The following EYS variants were observed in gnomAD, a reference collection of about 807,000 sequenced individuals.
EYS encodes the protein protein eyes shut homolog.
In EYS, 250 loss-of-function variants were observed where a neutral mutation model predicts 282.1. The ratio of observed to expected loss-of-function variants is 0.89; its 90% confidence interval spans 0.80 to 0.98. The LOEUF is 0.98. Among genes scored for constraint, EYS ranks in the 50% least tolerant of loss-of-function variants. The pLI, the probability that EYS is intolerant of heterozygous loss-of-function variation, is 0.00. For synonymous variants in EYS, 1,355 were observed against 1,282.9 expected, an observed-to-expected ratio of 1.06 and a Z score of -1.20; for missense variants, 4,016 against 3,709.0, an observed-to-expected ratio of 1.08 and a Z score of -2.15.
At chr6:65,440,967 A>C (rs1768299141) in intron 5 of EYS, among the ~76,000 whole-genome samples, 1 of 146,188 alleles carries the variant, frequency 6.8e-6, no homozygotes, top group South Asian at 2.1e-4. Context: ...ATATATATTT[A>C]AACAGTGTAT....
intron 31 of EYS, among the ~76,000 whole-genome samples, chr6:64,122,541 A>C (rs993572040): frequency 2.0e-5 from 3 of 152,136 alleles, no homozygotes; most frequent in Admixed American, 1.3e-4. Flanking sequence ...AGACTGCCTG[A>C]GTTTTTATCC....
Position 63,749,801 on chromosome 6 carries a change from C to G in EYS, c.8071+12660G>C, listed in dbSNP as rs183704754. Among the ~76,000 whole-genome samples the G allele has an allele frequency of 3.1e-4, 47 of 152,310 alleles. No individual in the cohort carries two copies. In the East Asian group the frequency reaches 8.7e-3, roughly 28 times the overall value. ...AAGTACTGGTGCATAGTAGCCCCCT[C>G]CAGGGGTCCCAACTTCCTCCCTCTT... On this transcript the variant is annotated intron_variant, in intron 41 of 42. Coordinates refer to ENST00000503581, the MANE Select transcript of EYS (RefSeq NM_001142800.2).
At chr6:63,935,419 T>C (rs372675422) in intron 35 of EYS, among the ~76,000 whole-genome samples, 27 of 152,370 alleles carry the variant, frequency 1.8e-4, no homozygotes, top group African/African-American at 6.5e-4. Context: ...TAACACCCAG[T>C]ATCTCACAGT....
chr6:64,443,111 G>A (rs1395411600), intron 26 of EYS, among the ~76,000 whole-genome samples: 1 of 152,206 alleles, frequency 6.6e-6, no homozygotes, highest in African/African-American at 2.4e-5. Flanking sequence ...AGTTGTGGAG[G>A]TGCCCAAGAC....
intron 35 of EYS, among the ~76,000 whole-genome samples, chr6:63,982,757 A>G (rs1021087175): frequency 1.3e-5 from 2 of 151,758 alleles, no homozygotes; most frequent in Non-Finnish European, 2.9e-5. Context: ...GAACAATAAC[A>G]GGAGGGGGAT....
intron 2 of EYS, among the ~76,000 whole-genome samples, chr6:65,578,205 G>GAA (rs1223113766): frequency 3.8e-4 from 32 of 85,196 alleles, no homozygotes; most frequent in African/African-American, 1.2e-3. Context: ...AACAGATAAT[G>GAA]AAAATATATA....
At chr6:64,976,643 TG>T (rs1388311758) in intron 14 of EYS, among the ~76,000 whole-genome samples, 4 of 151,904 alleles carry the variant, frequency 2.6e-5, no homozygotes, top group African/African-American at 9.7e-5. Flanking sequence ...ACCATTGCTT[TG>T]GGGGTAGGAT....
chr6:64,441,517 T>C (rs1774945669), intron 26 of EYS, among the ~76,000 whole-genome samples: 1 of 152,164 alleles, frequency 6.6e-6, no homozygotes, highest in South Asian at 2.1e-4. Context: ...GGAATGGCTA[T>C]CAAGAGGTGG....
At chr6:65,666,799 GTTCT>G (rs888332194) in intron 1 of EYS, among the ~76,000 whole-genome samples, 4 of 150,972 alleles carry the variant, frequency 2.6e-5, no homozygotes, top group African/African-American at 7.3e-5. Context: ...AATAAAAAAG[GTTCT>G]TTATCTGTTA....
chr6:64,118,823 C>A (rs1773476017), intron 31 of EYS, among the ~76,000 whole-genome samples: 1 of 151,538 alleles, frequency 6.6e-6, no homozygotes, highest in Admixed American at 6.6e-5. Context: ...ACAAGAAACT[C>A]AAAAAAACTC....
At chr6:65,592,157 ATAGT>A (rs1348967129) in intron 2 of EYS, among the ~76,000 whole-genome samples, 2 of 151,414 alleles carry the variant, frequency 1.3e-5, no homozygotes, top group Non-Finnish European at 2.9e-5. Context: ...TTCACTTTTC[ATAGT>A]TAATTTAAAG....
chr6:65,621,748 G>C (rs138653084), intron 2 of EYS, among the ~76,000 whole-genome samples: 7,236 of 151,704 alleles, frequency 0.048, 547 homozygotes, highest in African/African-American at 0.15. Context: ...GGGCAGGCCT[G>C]GTGGTAACAA....
intron 26 of EYS, among the ~76,000 whole-genome samples, chr6:64,546,340 T>C (rs1180825041): frequency 1.3e-5 from 2 of 152,164 alleles, no homozygotes. Context: ...TGAAACTGGA[T>C]CCGTTCCTTA....
chr6:64,200,610 T>A (rs892792256), intron 31 of EYS, among the ~76,000 whole-genome samples: 1 of 152,124 alleles, frequency 6.6e-6, no homozygotes, highest in African/African-American at 2.4e-5. Flanking sequence ...GACTCAGAGT[T>A]CATTATGGCT....
At chr6:63,811,474 T>G (rs1331434482) in intron 36 of EYS, among the ~76,000 whole-genome samples, 1 of 152,196 alleles carries the variant, frequency 6.6e-6, no homozygotes, top group Non-Finnish European at 1.5e-5. Flanking sequence ...TGCACTGTCC[T>G]GATATTTTTT....
intron 8 of EYS, among the ~76,000 whole-genome samples, chr6:65,368,103 G>A (rs1259200215): frequency 5.3e-5 from 8 of 151,298 alleles, no homozygotes; most frequent in African/African-American, 1.5e-4. Flanking sequence ...GAGCAAAAGG[G>A]CAAAAAAGCT....
chr6:65,541,623 C>T (rs1429891652), intron 2 of EYS, among the ~76,000 whole-genome samples: 2 of 151,660 alleles, frequency 1.3e-5, no homozygotes. Context: ...TCTGCCTTTC[C>T]AAGATTTAAT....
intron 11 of EYS, among the ~76,000 whole-genome samples, chr6:65,298,880 G>T (rs1250828681): frequency 6.6e-6 from 1 of 151,858 alleles, no homozygotes; most frequent in East Asian, 1.9e-4. Flanking sequence ...TCTATTATAT[G>T]AATGTACCAT....
At chr6:64,638,966 A>C (rs1768050390) in intron 22 of EYS, among the ~76,000 whole-genome samples, 1 of 90,706 alleles carries the variant, frequency 1.1e-5, no homozygotes, top group African/African-American at 4.4e-5. Flanking sequence ...GGTTGCCATA[A>C]GAAAGCACCA....
Sources: allele counts gnomAD v4.1 joint callset (sites outside exome capture counted in the v4.1 genomes callset), GRCh38; gene constraint gnomAD v4.1.1; transcripts MANE v1.5; gene names NCBI Gene and HGNC (gene_info 2026-07-23, HGNC 2026-07-21).